Variants in DSE observed in about 807,000 individuals in gnomAD.
The protein encoded by DSE is dermatan-sulfate epimerase.
Under a neutral mutation model 84.4 loss-of-function variants are expected in DSE, and 36 were observed. The ratio of observed to expected loss-of-function variants is 0.43; its 90% confidence interval spans 0.33 to 0.56. DSE has a LOEUF of 0.56. Ranked by LOEUF, DSE falls within the 20% of genes least tolerant of loss-of-function variation. The probability of loss-of-function intolerance (pLI) is 0.06; values close to 1 mark genes in which losing one functional copy is unlikely to be tolerated. For synonymous variants in DSE, 410 were observed against 430.1 expected (o/e 0.95, Z 0.58); for missense variants, 862 against 1,169.6 (o/e 0.74, Z 3.84).
Position 116,436,150 on chromosome 6 carries a change from T to C in DSE, c.1682T>C (p.Leu561Pro), listed in dbSNP as rs1309704177. 8.7e-6 allele frequency: 14 copies of C among 1,613,150 alleles called. No individual in the cohort carries two copies. The highest frequency in any genetic ancestry group is 1.2e-5 in the Non-Finnish European group (14 of 1,180,004). ...AATGTTCAGAGGAATCTCATCCTCC[T>C]ACATCCACAGCTGCTTCTCCTTGTA... Reference protein sequence around the residue: ...LKNVQRNLILLHPQLLLLVDQ... With the variant: ...LKNVQRNLILPHPQLLLLVDQ... Residue 561 changes from leucine to proline, a missense_variant, in exon 6 of 6, where the codon CTA becomes CCA. Transcript: ENST00000644252.
At chr6:116,380,522 A>ATT (rs2114943973) in intron 1 of DSE, among the ~76,000 whole-genome samples, 1 of 152,288 alleles carries the variant, frequency 6.6e-6, no homozygotes, top group Admixed American at 6.5e-5. Context: ...ATCAGCCAGC[A>ATT]GAGCAAAGGC....
intron 1 of DSE, among the ~76,000 whole-genome samples, chr6:116,376,147 T>C (rs551461530): frequency 2.6e-5 from 4 of 152,356 alleles, no homozygotes; most frequent in African/African-American, 9.6e-5. Context: ...CCTAGACTAA[T>C]GTAACTGGCT....
intron 2 of DSE, among the ~76,000 whole-genome samples, chr6:116,291,456 G>C (rs887052207): frequency 1.3e-5 from 2 of 151,898 alleles, no homozygotes; most frequent in African/African-American, 4.8e-5. Flanking sequence ...AATACAAGTA[G>C]AAGTCCAGCC....
upstream of DSE, among the ~76,000 whole-genome samples, chr6:116,368,929 C>T (rs951577348): frequency 0.023 from 44 of 1,926 alleles, no homozygotes; most frequent in South Asian, 0.032. Flanking sequence ...ATGGGGTGGG[C>T]GGGGGCGGGG....
chr6:116,387,082 TC>T (rs1191868815), intron 1 of DSE, among the ~76,000 whole-genome samples: 1 of 152,152 alleles, frequency 6.6e-6, no homozygotes, highest in East Asian at 1.9e-4. Context: ...GTGGGGCGCT[TC>T]CCCTGAAAAT....
At chr6:116,390,171 G>A (rs1780809587) in intron 1 of DSE, among the ~76,000 whole-genome samples, 1 of 151,744 alleles carries the variant, frequency 6.6e-6, no homozygotes. Context: ...AGCTTCAAGC[G>A]ATCCTCCCAC....
intron 1 of DSE, among the ~76,000 whole-genome samples, chr6:116,379,485 A>G (rs1780102752): frequency 6.6e-6 from 1 of 152,110 alleles, no homozygotes; most frequent in Admixed American, 6.6e-5. Flanking sequence ...TCTTTACTTT[A>G]ATTCTTCCGT....
rs768494599 is a variant in DSE, at chr6:116,426,604, C to T, written c.447C>T (p.Val149=). 5 of 1,613,796 alleles carry T rather than the reference C, an allele frequency of 3.1e-6. No homozygotes were observed. The Admixed American group carries it at 6.7e-5, about 22-fold the overall frequency. The change falls in exon 3 of 6, where the codon GTC becomes GTT. Residue 149 remains valine (V), a synonymous_variant. Coordinates refer to ENST00000644252, the MANE Select transcript of DSE (RefSeq NM_013352.4). The stretch of plus-strand genomic sequence containing the variant: ...TGAAAGATGCTCCTTGGGATGAGGT[C>T]CCGCTTGCTCACTCCCTGGTTGGTT... The part of the protein sequence containing the change: ...WLVKDAPWDE[V]PLAHSLVGFA...
intron 2 of DSE, among the ~76,000 whole-genome samples, chr6:116,269,303 TGTGAA>T (rs1554204956): frequency 1.3e-5 from 2 of 152,238 alleles, no homozygotes; most frequent in Non-Finnish European, 1.5e-5. Flanking sequence ...ATGAGATATC[TGTGAA>T]GTGTTTTTCA....
intron 2 of DSE, among the ~76,000 whole-genome samples, chr6:116,297,229 G>A (rs1046280909): frequency 2.6e-5 from 4 of 152,082 alleles, no homozygotes; most frequent in South Asian, 2.1e-4. Context: ...CCTAGGAGCC[G>A]TCCTTAGCTA....
chr6:116,338,167 GTCTCTTTC>G, intron 2 of DSE, among the ~76,000 whole-genome samples: 1 of 96,582 alleles, frequency 1.0e-5, no homozygotes, highest in South Asian at 6.2e-4. Flanking sequence ...CTTCCTTTCT[GTCTCTTTC>G]TCTTTCTTTC....
In DSE at chr6:116,443,804, C is replaced by A. The variant is rs1784499558; in HGVS notation, c.*6459C>A. 3 of 152,148 alleles carry A rather than the reference C, an allele frequency of 2.0e-5. No homozygotes were observed. The highest frequency in any genetic ancestry group is 4.8e-5 in the African/African-American group (2 of 41,442). 9.4% of individuals were successfully genotyped at this position (152,148 alleles called of 1,614,324 possible). A position where few individuals can be genotyped will look rare whatever the true frequency, so the allele number is the denominator to read the frequency against. ...TGTGTTTAGTATTTATTTAGGAATT[C>A]TTTTCTGAACAAAAAAACGTTTTCA... On this transcript the variant is annotated 3_prime_UTR_variant, in exon 6 of 6. Transcript: ENST00000644252.
chr6:116,293,116 A>G (rs1323703345), intron 2 of DSE, among the ~76,000 whole-genome samples: 1 of 152,170 alleles, frequency 6.6e-6, no homozygotes, highest in Middle Eastern at 3.4e-3. Context: ...AGATAATTTA[A>G]CTTTATATAA....
intron 2 of DSE, among the ~76,000 whole-genome samples, chr6:116,402,452 T>C (rs1204858376): frequency 1.3e-5 from 2 of 152,176 alleles, no homozygotes; most frequent in African/African-American, 4.8e-5. Flanking sequence ...GTAACAACCC[T>C]ATCTACCTTA....
intron 3 of DSE, 50 bp downstream of exon 3, chr6:116,426,877 T>A (rs1487366122): frequency 6.4e-7 from 1 of 1,566,674 alleles, no homozygotes; most frequent in South Asian, 1.2e-5. Flanking sequence ...GAAGTCATAG[T>A]TGCCATGTTG....
chr6:116,270,948 T>A (rs952741307), intron 2 of DSE, among the ~76,000 whole-genome samples: 2 of 152,196 alleles, frequency 1.3e-5, no homozygotes, highest in Admixed American at 1.3e-4. Flanking sequence ...ACACTGCAAC[T>A]ACAAAATGAG....
At chr6:116,328,560 C>G (rs1776760526) in intron 2 of DSE, among the ~76,000 whole-genome samples, 1 of 152,130 alleles carries the variant, frequency 6.6e-6, no homozygotes, top group Non-Finnish European at 1.5e-5. Flanking sequence ...TATATCCATT[C>G]CATTACATCA....
At chr6:116,419,463 T>G (rs557022863) in intron 2 of DSE, among the ~76,000 whole-genome samples, 1 of 152,374 alleles carries the variant, frequency 6.6e-6, no homozygotes, top group African/African-American at 2.4e-5. Context: ...TAAATGGTTT[T>G]CTATCAAGTT....
In DSE at chr6:116,381,130, T is replaced by C. The variant is rs149595736; in HGVS notation, c.-54+10009T>C. On this transcript the variant is annotated intron_variant, in intron 1 of 5. Coordinates refer to ENST00000644252, the MANE Select transcript of DSE (RefSeq NM_013352.4). ...CAAAGAATATTGAGCAATGCATACA[T>C]GGGTTCCCAGGGGAGATTGCTTATG... 7.0e-3 allele frequency among the ~76,000 whole-genome samples: 1,070 copies of C among 152,266 alleles called. 23 individuals are homozygous for C. Among genetic ancestry groups the C allele is most frequent in the South Asian group, 0.057 (274 of 4,820 alleles).
Sources: allele counts gnomAD v4.1 joint callset (sites outside exome capture counted in the v4.1 genomes callset), GRCh38; gene constraint gnomAD v4.1.1; transcripts MANE v1.5; gene names NCBI Gene and HGNC (gene_info 2026-07-23, HGNC 2026-07-21).